The following DPP10 variants were observed in gnomAD, a reference collection of about 807,000 sequenced individuals.
The protein encoded by DPP10 is dipeptidyl peptidase like 10.
DPP10 carries 33 observed loss-of-function variants against 120.9 expected under a neutral mutation model. The observed-to-expected ratio is 0.27, with a 90% confidence interval of 0.21 to 0.37. The LOEUF is 0.37. Among genes scored for constraint, DPP10 ranks in the 10% least tolerant of loss-of-function variants. The pLI, the probability that DPP10 is intolerant of heterozygous loss-of-function variation, is 1.00. For missense variants in DPP10, 816 were observed against 942.8 expected, an observed-to-expected ratio of 0.87 and a Z score of 1.76; for synonymous variants, 337 against 326.1, an observed-to-expected ratio of 1.03 and a Z score of -0.36.
At chr2:115,317,510 G>C (rs1163351002) in intron 2 of DPP10, among the ~76,000 whole-genome samples, 1 of 152,182 alleles carries the variant, frequency 6.6e-6, no homozygotes, top group East Asian at 1.9e-4. Flanking sequence ...AGATCCTATG[G>C]TAATTTCTGT....
chr2:114,942,338 T>C (rs1418977840), intron 1 of DPP10, among the ~76,000 whole-genome samples: 3 of 121,824 alleles, frequency 2.5e-5, no homozygotes, highest in African/African-American at 9.6e-5. Context: ...CATATATATA[T>C]ACGTATATAT....
intron 1 of DPP10, among the ~76,000 whole-genome samples, chr2:115,006,516 G>C (rs1159643153): frequency 6.6e-6 from 1 of 150,388 alleles, no homozygotes; most frequent in African/African-American, 2.4e-5. Flanking sequence ...TAAAAGGATG[G>C]AGGAAGATCT....
At chr2:115,196,095 G>T (rs1183266124) in intron 1 of DPP10, among the ~76,000 whole-genome samples, 1 of 152,056 alleles carries the variant, frequency 6.6e-6, no homozygotes, top group Non-Finnish European at 1.5e-5. Context: ...TTTTCCCAGG[G>T]ACCAGATGTT....
At chr2:115,027,638 G>T (rs944167910) in intron 1 of DPP10, among the ~76,000 whole-genome samples, 34 of 152,046 alleles carry the variant, frequency 2.2e-4, no homozygotes, top group African/African-American at 7.5e-4. Context: ...CAGTAATCCT[G>T]GCCTTATAAA....
At chr2:115,481,913 A>T (rs879389190) in intron 3 of DPP10, among the ~76,000 whole-genome samples, 15 of 152,134 alleles carry the variant, frequency 9.9e-5, no homozygotes, top group Non-Finnish European at 1.9e-4. Flanking sequence ...TAAGGATGAG[A>T]ATATTCAAAT....
intron 1 of DPP10, among the ~76,000 whole-genome samples, chr2:114,620,876 G>A (rs760581805): frequency 1.4e-4 from 21 of 152,052 alleles, no homozygotes; most frequent in Non-Finnish European, 2.6e-4. Flanking sequence ...TAGAAGCTTT[G>A]TCTTTTGACA....
intron 8 of DPP10, among the ~76,000 whole-genome samples, chr2:115,734,591 G>T (rs1008364225): frequency 4.0e-5 from 6 of 149,328 alleles, no homozygotes; most frequent in African/African-American, 1.5e-4. Context: ...TGGAGGCAGA[G>T]GTTGCAGTGA....
chr2:114,757,078 G>A (rs1486967960), intron 1 of DPP10, among the ~76,000 whole-genome samples: 1 of 150,108 alleles, frequency 6.7e-6, no homozygotes, highest in African/African-American at 2.5e-5. Flanking sequence ...AAGAAAGGAA[G>A]GAGGAGAGGG....
At chr2:114,601,700 T>A (rs1488922536) in intron 1 of DPP10, among the ~76,000 whole-genome samples, 1 of 151,994 alleles carries the variant, frequency 6.6e-6, no homozygotes, top group African/African-American at 2.4e-5. Context: ...CTATGTTACA[T>A]CTGAGAAATA....
At chr2:115,584,162 T>C (rs1021088422) in intron 5 of DPP10, among the ~76,000 whole-genome samples, 1 of 152,226 alleles carries the variant, frequency 6.6e-6, no homozygotes, top group Non-Finnish European at 1.5e-5. Flanking sequence ...TGAAGTATTG[T>C]TTAACTTCTT....
chr2:114,841,676 T>C (rs1688169095), intron 1 of DPP10, among the ~76,000 whole-genome samples: 1 of 152,114 alleles, frequency 6.6e-6, no homozygotes, highest in Non-Finnish European at 1.5e-5. Flanking sequence ...GCAAGTTTTA[T>C]GGTAGACAGA....
chr2:115,808,657 T>A (rs1018749664), intron 19 of DPP10, among the ~76,000 whole-genome samples: 1 of 152,198 alleles, frequency 6.6e-6, no homozygotes, highest in African/African-American at 2.4e-5. Flanking sequence ...TTTGATTTGA[T>A]CCCCATATCA....
chr2:114,649,265 C>G (rs758821421), intron 1 of DPP10, among the ~76,000 whole-genome samples: 1 of 152,168 alleles, frequency 6.6e-6, no homozygotes, highest in African/African-American at 2.4e-5. Context: ...ATTAGAAACA[C>G]CAGAAAAATC....
At chr2:115,777,380 T>G in intron 14 of DPP10, 81 bp downstream of exon 14, 1 of 1,299,820 alleles carries the variant, frequency 7.7e-7, no homozygotes, top group Non-Finnish European at 1.1e-6. Context: ...ATGTTTTGCT[T>G]ACCATAGTCC....
At chr2:115,072,615 C>T (rs76702760) in intron 1 of DPP10, among the ~76,000 whole-genome samples, 24,564 of 151,918 alleles carry the variant, frequency 0.16, 2,219 homozygotes, top group African/African-American at 0.27. Flanking sequence ...ACATGTGTGC[C>T]TACATACAAC....
chr2:114,589,720 T>C (rs1206714159), intron 1 of DPP10, among the ~76,000 whole-genome samples: 2 of 152,176 alleles, frequency 1.3e-5, no homozygotes, highest in South Asian at 2.1e-4. Context: ...AAAGGAGAAA[T>C]AGGTATATAT....
At chr2:115,777,750 TG>T (rs1176348999) in intron 14 of DPP10, 36 bp from the exon 15 acceptor site, 1 of 1,607,130 alleles carries the variant, frequency 6.2e-7, no homozygotes. Context: ...AAAATAGATC[TG>T]TGTCTAATGC....
chr2:115,590,649 G>A (rs1258114968), intron 5 of DPP10, among the ~76,000 whole-genome samples: 3 of 152,172 alleles, frequency 2.0e-5, no homozygotes, highest in East Asian at 1.9e-4. Context: ...TGTCTTTATA[G>A]CAGCATGATT....
intron 2 of DPP10, among the ~76,000 whole-genome samples, chr2:115,334,892 A>C (rs981654766): frequency 6.6e-6 from 1 of 151,746 alleles, no homozygotes; most frequent in Non-Finnish European, 1.5e-5. Context: ...CAAAAAATCT[A>C]TGCAAAATAT....
Sources: gnomAD v4.1 joint callset for allele counts (sites outside exome capture counted in the v4.1 genomes callset) on GRCh38, gnomAD v4.1.1 for gene constraint, MANE v1.5 for transcripts, NCBI Gene and HGNC (gene_info 2026-07-23, HGNC 2026-07-21) for gene names.